The following DIAPH2 variants were observed in gnomAD, a reference collection of about 807,000 sequenced individuals.
The protein encoded by DIAPH2 is diaphanous related formin 2.
A neutral mutation model predicts 92.7 loss-of-function variants in DIAPH2; 35 were observed. That is an observed-to-expected ratio of 0.38 (90% CI 0.29 to 0.50). The LOEUF is 0.50. DIAPH2 is among the 20% of genes least tolerant of loss of function. The probability of loss-of-function intolerance (pLI) is 0.94; values close to 1 mark genes in which losing one functional copy is unlikely to be tolerated. For missense variants in DIAPH2, 701 were observed against 819.5 expected, an observed-to-expected ratio of 0.86 and a Z score of 1.77; for synonymous variants, 301 against 280.4, an observed-to-expected ratio of 1.07 and a Z score of -0.73.
intron 3 of DIAPH2, among the ~76,000 whole-genome samples, chrX:96,752,438 A>G (rs1181204180): frequency 1.8e-5 from 2 of 112,678 alleles, no homozygotes; most frequent in African/African-American, 6.4e-5. Flanking sequence ...GAGTACAAAG[A>G]TAAGTAAGTT....
chrX:96,918,923 C>T (rs1218159645), intron 9 of DIAPH2, among the ~76,000 whole-genome samples: 1 of 111,875 alleles, frequency 8.9e-6, no homozygotes, highest in African/African-American at 3.2e-5. Context: ...CAGCCAATGC[C>T]ATTATCCTAA....
At position 96,738,638 on chromosome X, in the gene DIAPH2, T is replaced by G. The variant is rs1246686709; in HGVS notation, c.218T>G (p.Leu73Arg). ...TCTACTGTCAAAAAAGAAAAACCTC[T>G]TATTCAACATCCTATTGATTCTCAA... is the stretch of plus-strand genomic sequence containing the variant. The part of the protein sequence containing the change: ...RKSTVKKEKP[L>R]IQHPIDSQVA... The change falls in exon 3 of 27, where the codon CTT (leucine) becomes CGT (arginine). Residue 73 changes from leucine to arginine, a missense_variant. By Grantham distance (102) the Leu-to-Arg change is moderately radical. This residue lies in a region of DIAPH2 where 131 missense variants were observed against 145.6 expected (regional missense o/e 0.90). Coordinates refer to ENST00000324765, the MANE Select transcript of DIAPH2 (RefSeq NM_006729.5). 1 of 1,206,434 alleles carries G rather than the reference T, an allele frequency of 8.3e-7. No individual in the cohort carries two copies. The highest frequency in any genetic ancestry group is 2.2e-5 in the Admixed American group (1 of 45,568).
intron 26 of DIAPH2, among the ~76,000 whole-genome samples, chrX:97,491,473 C>T (rs1249530245): frequency 1.8e-5 from 2 of 110,951 alleles, no homozygotes; most frequent in Non-Finnish European, 3.8e-5. Flanking sequence ...TGCAGTGGTG[C>T]GATCTCGGCT....
intron 4 of DIAPH2, among the ~76,000 whole-genome samples, chrX:96,835,915 G>T (rs751282208): frequency 1.9e-4 from 21 of 110,072 alleles, no homozygotes; most frequent in African/African-American, 6.3e-4. Flanking sequence ...CCGGACTCAG[G>T]TGATTCTCCC....
At chrX:97,018,906 A>G (rs1415554638) in intron 17 of DIAPH2, among the ~76,000 whole-genome samples, 1 of 111,438 alleles carries the variant, frequency 9.0e-6, no homozygotes, top group Non-Finnish European at 1.9e-5. Context: ...CTACCTATTC[A>G]TGCCTTCATT....
At position 97,219,268 on chromosome X, in the gene DIAPH2, TATATG is replaced by T. The variant is rs752585468; in HGVS notation, c.2720-28442_2720-28438del. Among the ~76,000 whole-genome samples the T allele has an allele frequency of 5.7e-3, 641 of 112,597 alleles. 5 individuals are homozygous for T. The highest frequency in any genetic ancestry group is 0.02 in the African/African-American group (617 of 31,098). ...GCTATATTTTAATATTTTAGTGATT[TATATG>T]ATATAAGCATACATGCACTTACGAT... is the stretch of plus-strand genomic sequence containing the variant. On this transcript the variant is annotated intron_variant, in intron 22 of 26. Coordinates refer to ENST00000324765, the MANE Select transcript of DIAPH2 (RefSeq NM_006729.5).
At chrX:97,035,322 G>A (rs2066403283) in intron 17 of DIAPH2, among the ~76,000 whole-genome samples, 1 of 112,008 alleles carries the variant, frequency 8.9e-6, no homozygotes. Context: ...GAGAAATTCA[G>A]GAGTTATGCT....
At chrX:97,365,694 A>ATT (rs1196709515) in intron 24 of DIAPH2, among the ~76,000 whole-genome samples, 1 of 82,636 alleles carries the variant, frequency 1.2e-5, no homozygotes, top group African/African-American at 4.6e-5. Flanking sequence ...TTTTTTTTTC[A>ATT]TTTTTTTTTT....
chrX:96,893,681 A>G (rs1367164775), intron 5 of DIAPH2, among the ~76,000 whole-genome samples: 1 of 112,324 alleles, frequency 8.9e-6, no homozygotes, highest in African/African-American at 3.2e-5. Context: ...CTAGTAATCT[A>G]ACCTGCTACC....
intron 25 of DIAPH2, among the ~76,000 whole-genome samples, chrX:97,426,616 A>G (rs999623573): frequency 1.8e-5 from 2 of 110,778 alleles, no homozygotes; most frequent in Non-Finnish European, 3.8e-5. Flanking sequence ...TTGTCTCACC[A>G]TCCTCTGAGT....
chrX:96,723,379 T>A, intron 1 of DIAPH2, among the ~76,000 whole-genome samples: 1 of 112,010 alleles, frequency 8.9e-6, no homozygotes, highest in Non-Finnish European at 1.9e-5. Flanking sequence ...CTCTCTGAAG[T>A]CTTATGTTGA....
intron 22 of DIAPH2, among the ~76,000 whole-genome samples, chrX:97,209,115 T>A (rs1396121040): frequency 9.0e-6 from 1 of 111,080 alleles, no homozygotes; most frequent in African/African-American, 3.3e-5. Context: ...TAAACATAAC[T>A]TAACATTTTC....
At chrX:96,898,683 T>C (rs2147767863) in intron 5 of DIAPH2, among the ~76,000 whole-genome samples, 1 of 107,855 alleles carries the variant, frequency 9.3e-6, no homozygotes, top group South Asian at 4.4e-4. Context: ...AGGTTGCCTG[T>C]TCACTCTGAT....
intron 21 of DIAPH2, among the ~76,000 whole-genome samples, chrX:97,137,778 AG>A (rs767466991): frequency 9.0e-6 from 1 of 111,628 alleles, no homozygotes; most frequent in Non-Finnish European, 1.9e-5. Flanking sequence ...AGCTCAAGGG[AG>A]TGTCTTGTAT....
intron 22 of DIAPH2, among the ~76,000 whole-genome samples, chrX:97,215,649 T>C (rs769567625): frequency 1.8e-5 from 2 of 111,829 alleles, no homozygotes; most frequent in South Asian, 7.6e-4. Context: ...CTCCGTACTT[T>C]ATATTAAAGT....
chrX:97,332,668 A>G (rs2069011902), intron 23 of DIAPH2, among the ~76,000 whole-genome samples: 1 of 111,852 alleles, frequency 8.9e-6, no homozygotes, highest in African/African-American at 3.2e-5. Context: ...AAATTATACT[A>G]AAGGGTCCAA....
chrX:96,976,155 G>A (rs1221847143), intron 17 of DIAPH2, among the ~76,000 whole-genome samples: 1 of 109,508 alleles, frequency 9.1e-6, no homozygotes, highest in Non-Finnish European at 1.9e-5. Context: ...GGGACTATAA[G>A]TGTGCACCAC....
intron 17 of DIAPH2, among the ~76,000 whole-genome samples, chrX:97,071,963 A>G (rs985388442): frequency 1.3e-4 from 15 of 111,868 alleles, no homozygotes; most frequent in Non-Finnish European, 2.3e-4. Context: ...GGGGGCAAGG[A>G]CCTAACACTC....
intron 23 of DIAPH2, among the ~76,000 whole-genome samples, chrX:97,333,960 A>G (rs749763624): frequency 9.0e-6 from 1 of 111,059 alleles, no homozygotes; most frequent in African/African-American, 3.3e-5. Context: ...ATCTCTCCAA[A>G]TTATCCTTCT....
Sources: allele counts gnomAD v4.1 joint callset (sites outside exome capture counted in the v4.1 genomes callset), GRCh38; gene constraint gnomAD v4.1.1; regional missense constraint gnomAD v4.1.1; transcripts MANE v1.5; gene names NCBI Gene and HGNC (gene_info 2026-07-23, HGNC 2026-07-21).